F13A1: variants seen among roughly 807,000 people sequenced by gnomAD.
F13A1 encodes FSF, A subunit.
F13A1 carries 47 observed loss-of-function variants against 80.1 expected under a neutral mutation model. The observed-to-expected ratio is 0.59, with a 90% CI of 0.46 to 0.75. The LOEUF (loss-of-function observed/expected upper bound fraction) is 0.75, where lower values mean the gene tolerates loss of function less well. F13A1 is among the 30% of genes least tolerant of loss of function. The probability of loss-of-function intolerance (pLI) is 0.00; values close to 1 mark genes in which losing one functional copy is unlikely to be tolerated. For missense variants in F13A1, 817 were observed against 930.4 expected, an observed-to-expected ratio of 0.88 and a Z score of 1.59; for synonymous variants, 349 against 344.9, an observed-to-expected ratio of 1.01 and a Z score of -0.13.
At chr6:6,193,459 TC>T in intron 10 of F13A1, among the ~76,000 whole-genome samples, 1 of 151,946 alleles carries the variant, frequency 6.6e-6, no homozygotes, top group South Asian at 2.1e-4. Flanking sequence ...CCCCATGGGG[TC>T]CCACTGCAGG....
intron 13 of F13A1, among the ~76,000 whole-genome samples, chr6:6,156,074 C>T (rs1352189916): frequency 1.3e-5 from 2 of 152,116 alleles, no homozygotes; most frequent in African/African-American, 4.8e-5. Flanking sequence ...AAGAATAAAG[C>T]ATATGTCTTA....
chr6:6,206,320 TTAAAAC>T (rs1283835155), intron 8 of F13A1: 23 of 366,186 alleles, frequency 6.3e-5, no homozygotes, highest in African/African-American at 4.7e-4. Context: ...TCTAATTACT[TTAAAAC>T]TAGTAACCTT....
intron 3 of F13A1, among the ~76,000 whole-genome samples, chr6:6,291,740 GAT>G (rs1055655849): frequency 4.6e-5 from 7 of 152,152 alleles, no homozygotes; most frequent in Non-Finnish European, 1.0e-4. Flanking sequence ...TTTCTGGACT[GAT>G]GCCTTAGAAG....
At chr6:6,190,044 G>A (rs1267827598) in intron 10 of F13A1, among the ~76,000 whole-genome samples, 4 of 151,890 alleles carry the variant, frequency 2.6e-5, no homozygotes, top group Non-Finnish European at 4.4e-5. Flanking sequence ...CATTCTTCAC[G>A]TAGGTCTTGA....
At chr6:6,316,365 T>C (rs1267854) in intron 2 of F13A1, among the ~76,000 whole-genome samples, 122,823 of 151,294 alleles carry the variant, frequency 0.81, 50,461 homozygotes, top group African/African-American at 0.95. Context: ...CATTCTACAG[T>C]CACTGGACAT....
intron 12 of F13A1, among the ~76,000 whole-genome samples, chr6:6,173,479 C>T (rs1313467501): frequency 6.6e-6 from 1 of 150,602 alleles, no homozygotes; most frequent in Admixed American, 6.7e-5. Flanking sequence ...ACGATCTCAG[C>T]TCACTGCAAC....
chr6:6,254,486 A>T (rs939730024), intron 4 of F13A1, among the ~76,000 whole-genome samples: 1 of 152,178 alleles, frequency 6.6e-6, no homozygotes, highest in Non-Finnish European at 1.5e-5. Context: ...ACGCTCCAAG[A>T]TATACTGAGT....
chr6:6,266,521 A>C lies in F13A1; in HGVS notation c.571+37T>G, dbSNP rs1234713179. 1.9e-6 allele frequency: 3 copies of C among 1,614,180 alleles called. No homozygotes were observed. The East Asian group carries it at 6.7e-5, about 36-fold the overall frequency. On this transcript the variant is annotated intron_variant, in intron 4 of 14. Coordinates refer to ENST00000264870, the MANE Select transcript of F13A1 (RefSeq NM_000129.4). Reference sequence around the variant, plus strand: ...GCCATGGCACCCCGCCAAATAGGTGAATTTTTAAATGAGAAAACTAAATGT... The same window carrying C: ...GCCATGGCACCCCGCCAAATAGGTGCATTTTTAAATGAGAAAACTAAATGT...
rs190182029 is a variant in F13A1 at position 6,217,541 on chromosome 6, G to T, written c.1112+4492C>A. 9.9e-3 allele frequency among the ~76,000 whole-genome samples: 1,100 copies of T among 111,032 alleles called. 6 individuals are homozygous for T. The highest frequency in any genetic ancestry group is 0.07 in the Middle Eastern group (11 of 158). The allele number at this position is 111,032 out of a possible 152,430, so 72.8% of individuals were successfully genotyped here. ...TGCGGCCTGTTGTGGGGTGGGGGGA[G>T]GGGGGAGGGATAGCACTGGGAGATA... is the stretch of plus-strand genomic sequence containing the variant. On this transcript the variant is annotated intron_variant, in intron 8 of 14. Transcript: ENST00000264870.
intron 7 of F13A1, among the ~76,000 whole-genome samples, chr6:6,223,842 A>G (rs1269044290): frequency 6.6e-6 from 1 of 152,176 alleles, no homozygotes; most frequent in Non-Finnish European, 1.5e-5. Context: ...AAAATTCTTT[A>G]TTAATGAGCA....
At chr6:6,159,626 A>C (rs1262768211) in intron 13 of F13A1, among the ~76,000 whole-genome samples, 1 of 152,116 alleles carries the variant, frequency 6.6e-6, no homozygotes, top group Non-Finnish European at 1.5e-5. Flanking sequence ...AGATGGGCAC[A>C]ATCTGCACAG....
intron 8 of F13A1, among the ~76,000 whole-genome samples, chr6:6,200,168 G>A (rs1761367363): frequency 6.6e-6 from 1 of 152,154 alleles, no homozygotes; most frequent in African/African-American, 2.4e-5. Context: ...ATTGGATGAA[G>A]CGGAGGAGGA....
At chr6:6,174,518 C>A in intron 12 of F13A1, 62 bp downstream of exon 12, 1 of 1,575,676 alleles carries the variant, frequency 6.3e-7, no homozygotes, top group Non-Finnish European at 8.7e-7. Context: ...CGGGCATTAA[C>A]ACCTAGCAAG....
At chr6:6,247,012 G>C (rs1757562726) in intron 6 of F13A1, among the ~76,000 whole-genome samples, 1 of 152,166 alleles carries the variant, frequency 6.6e-6, no homozygotes, top group Admixed American at 6.5e-5. Flanking sequence ...TGACACTTTG[G>C]TAAACATTTC....
chr6:6,227,491 T>C (rs1401628930), intron 6 of F13A1, among the ~76,000 whole-genome samples: 1 of 152,226 alleles, frequency 6.6e-6, no homozygotes, highest in East Asian at 1.9e-4. Context: ...CCAAACATTA[T>C]GGCTATATTA....
At chr6:6,179,692 G>A (rs2151076562) in intron 11 of F13A1, among the ~76,000 whole-genome samples, 1 of 152,178 alleles carries the variant, frequency 6.6e-6, no homozygotes, top group African/African-American at 2.4e-5. Context: ...TATCCACTTG[G>A]GGTCAAACTC....
chr6:6,289,433 C>T (rs1353480773), intron 3 of F13A1, among the ~76,000 whole-genome samples: 1 of 149,168 alleles, frequency 6.7e-6, no homozygotes, highest in Admixed American at 6.7e-5. Context: ...TATGCAAATA[C>T]ACACACACAC....
At chr6:6,168,180 T>A (rs1760710628) in intron 12 of F13A1, among the ~76,000 whole-genome samples, 1 of 152,280 alleles carries the variant, frequency 6.6e-6, no homozygotes, top group South Asian at 2.1e-4. Context: ...AACCAGTTTC[T>A]ACCAAAGGCA....
chr6:6,288,520 A>G lies in F13A1; in HGVS notation c.319+16831T>C, dbSNP rs191470143. On this transcript the variant is annotated intron_variant, in intron 3 of 14. Coordinates refer to ENST00000264870, the MANE Select transcript of F13A1 (RefSeq NM_000129.4). ...GAATTTTCCTTCTTCTAAGGGCTGT[A>G]TAGTACTCCATTGTGTCTATATACC... Among the ~76,000 whole-genome samples the G allele has an allele frequency of 4.1e-3, 623 of 152,318 alleles. 2 individuals carry two copies. The highest frequency in any genetic ancestry group is 6.8e-3 in the Middle Eastern group (2 of 294).
Sources: allele counts gnomAD v4.1 joint callset (sites outside exome capture counted in the v4.1 genomes callset), GRCh38; gene constraint gnomAD v4.1.1; transcripts MANE v1.5; gene names NCBI Gene and HGNC (gene_info 2026-07-23, HGNC 2026-07-21).